Variants in GOLGB1 observed in about 807,000 individuals in gnomAD.
GOLGB1 encodes golgin B1.
Under a neutral mutation model 336.9 loss-of-function variants are expected in GOLGB1, and 174 were observed. That is an observed-to-expected ratio of 0.52 (90% CI 0.46 to 0.59). The LOEUF (loss-of-function observed/expected upper bound fraction) is 0.59. GOLGB1 is among the 20% of genes least tolerant of loss of function. The pLI is 0.00. For synonymous variants in GOLGB1, 1,208 were observed against 1,289.2 expected (o/e 0.94, Z 1.35); for missense variants, 3,331 against 3,645.3 (o/e 0.91, Z 2.22).
chr3:121,673,784 G>A (rs1031693017), intron 17 of GOLGB1, among the ~76,000 whole-genome samples: 4 of 151,982 alleles, frequency 2.6e-5, no homozygotes, highest in South Asian at 2.1e-4. Context: ...GCAGGGGTGC[G>A]ATCTCAGCTC....
chr3:121,730,168 A>T, intron 2 of GOLGB1, 151 bp from the exon 3 acceptor site: 1 of 576,084 alleles, frequency 1.7e-6, no homozygotes, highest in South Asian at 2.4e-5. Flanking sequence ...TCATTATCAT[A>T]GCCATTACAA....
intron 10 of GOLGB1, among the ~76,000 whole-genome samples, chr3:121,706,408 AAG>A (rs145051900): frequency 1.3e-5 from 2 of 151,876 alleles, no homozygotes; most frequent in African/African-American, 2.4e-5. Flanking sequence ...AGCAGGAAAA[AAG>A]AGAGAAGCAT....
At chr3:121,734,392 G>GAAAAAAAAAAAAAAA (rs34906801) in intron 1 of GOLGB1, among the ~76,000 whole-genome samples, 1 of 107,230 alleles carries the variant, frequency 9.3e-6, no homozygotes. Context: ...TCTGTCTCGG[G>GAAAAAAAAAAAAAAA]AAAAAAAAAA....
rs1448480344 is a variant in GOLGB1, at chr3:121,718,430, G to A, written c.843C>T (p.Asp281=). ...CAGCAGTCAGCTCCTGTTGCAGCAA[G>A]TCAACGACCTGAGCACGGCCCACCA... ...ESLVGRAQVV[D]LLQQELTAAE... The change falls in exon 8 of 22, where the codon GAC becomes GAT. Residue 281 remains aspartate, a synonymous_variant. Coordinates refer to ENST00000614479, the MANE Select transcript of GOLGB1 (RefSeq NM_001366282.2). The A allele has an allele frequency of 1.5e-5, 24 of 1,613,736 alleles. No homozygotes were observed. The highest frequency in any genetic ancestry group is 1.9e-5 in the Non-Finnish European group (23 of 1,179,750).
intron 17 of GOLGB1, among the ~76,000 whole-genome samples, chr3:121,676,358 G>A (rs1940375212): frequency 6.6e-6 from 1 of 152,150 alleles, no homozygotes; most frequent in Admixed American, 6.5e-5. Flanking sequence ...GTGATGAAAA[G>A]CTTACGCACA....
At chr3:121,667,631 A>C in intron 19 of GOLGB1, 21 bp from the exon 20 acceptor site, 2 of 1,611,022 alleles carry the variant, frequency 1.2e-6, no homozygotes, top group Non-Finnish European at 1.7e-6. Flanking sequence ...AGAGGAAAAC[A>C]AAAAGCATCA....
chr3:121,719,912 G>A, intron 6 of GOLGB1, 144 bp from the exon 7 acceptor site: 1 of 616,202 alleles, frequency 1.6e-6, no homozygotes, highest in Non-Finnish European at 2.5e-6. Flanking sequence ...GGATGAGGAT[G>A]TTGGAAGAGA....
At chr3:121,710,442 T>C (rs540017752) in intron 10 of GOLGB1, among the ~76,000 whole-genome samples, 2 of 152,128 alleles carry the variant, frequency 1.3e-5, no homozygotes, top group African/African-American at 2.4e-5. Flanking sequence ...TCACAAAATA[T>C]TAGCAAATCA....
intron 14 of GOLGB1, among the ~76,000 whole-genome samples, chr3:121,682,381 G>A (rs1941179282): frequency 6.6e-6 from 1 of 152,142 alleles, no homozygotes; most frequent in Non-Finnish European, 1.5e-5. Flanking sequence ...TTGGACGTGT[G>A]ACCCAATGCA....
At chr3:121,686,333 T>A (rs1040772191) in intron 14 of GOLGB1, among the ~76,000 whole-genome samples, 4 of 152,172 alleles carry the variant, frequency 2.6e-5, no homozygotes, top group African/African-American at 9.6e-5. Flanking sequence ...AAACTATGGA[T>A]CCCTCTTTCT....
At position 121,729,271 on chromosome 3, in the gene GOLGB1, A is replaced by G; in HGVS notation, c.319T>C (p.Leu107=). ...TTCATTTCTTCTATGTATTTATTCA[A>G]AGAAGTTAATTTGGCCTTCGCATGA... is the stretch of plus-strand genomic sequence containing the variant. ...KLHAKAKLTS[L]NKYIEEMKAQ... is the part of the protein sequence containing the mutation. Residue 107 remains leucine (L), a synonymous_variant, in exon 4 of 22, where the codon TTG becomes CTG. Transcript: ENST00000614479. 1 of 1,611,264 alleles carries G rather than the reference A, an allele frequency of 6.2e-7. No homozygotes were observed. The highest frequency in any genetic ancestry group is 1.1e-5 in the South Asian group (1 of 90,984).
At position 121,702,490 on chromosome 3, in the gene GOLGB1, C is replaced by A; in HGVS notation, c.1510G>T (p.Ala504Ser). Reference protein sequence around the residue: ...LSSIELEELKAENEKLSSQIT... With the variant: ...LSSIELEELKSENEKLSSQIT... ...TTTCTTTTATACATACCATTCTCAG[C>A]TTTCAGCTCCTCCAGCTCTATAGAA... The change falls in exon 11 of 22, where the codon GCT (alanine) becomes TCT (serine). Residue 504 changes from alanine to serine, a missense_variant. Physicochemically the swap from Ala to Ser is moderately conservative, Grantham distance 99. Coordinates refer to ENST00000614479, the MANE Select transcript of GOLGB1 (RefSeq NM_001366282.2). 6.8e-7 allele frequency: 1 copy of A among 1,460,272 alleles called. No homozygotes were observed. Among genetic ancestry groups the A allele is most frequent in the Non-Finnish European group, 9.1e-7 (1 of 1,095,082 alleles). 90.5% of individuals were successfully genotyped at this position (1,460,272 alleles called of 1,614,324 possible). A position where few individuals can be genotyped will look rare whatever the true frequency, so the allele number is the denominator to read the frequency against.
At chr3:121,739,830 T>C (rs976942469) in intron 1 of GOLGB1, among the ~76,000 whole-genome samples, 1 of 152,120 alleles carries the variant, frequency 6.6e-6, no homozygotes, top group African/African-American at 2.4e-5. Context: ...TACAGGCAAA[T>C]GGTTAAACAA....
rs766287627 is a variant in GOLGB1, at chr3:121,696,677, T to A, written c.3846A>T (p.Gln1282His). ...GGCACAAGTTGGACTCTAAAACAGG[T>A]TGAGTGTGATGCTGTTCTGTGGCTT... ...LFKATEQHHT[Q>H]PVLESNLCPD... is the part of the protein sequence containing the mutation. The change falls in exon 13 of 22, where the codon CAA (glutamine) becomes CAT (histidine). Residue 1282 changes from glutamine (Q) to histidine (H), a missense_variant. Coordinates refer to ENST00000614479, the MANE Select transcript of GOLGB1 (RefSeq NM_001366282.2). The A allele has an allele frequency of 5.0e-6, 8 of 1,613,902 alleles. No homozygotes were observed. In the African/African-American group the frequency reaches 1.1e-4, roughly 22 times the overall value.
In GOLGB1 at chr3:121,714,897, C is replaced by G; in HGVS notation, c.1368G>C (p.Gln456His). The change falls in exon 10 of 22, where the codon CAG becomes CAC. Residue 456 changes from glutamine to histidine, a missense_variant. Physicochemically the swap from Gln to His is conservative, Grantham distance 24. Transcript: ENST00000614479. ...CATTATAAACATCTGGGAAAGAAGTCTGAGATGCTGTTTCATGTTGTTGCA... is the reference window on the plus strand; with the variant it reads ...CATTATAAACATCTGGGAAAGAAGTGTGAGATGCTGTTTCATGTTGTTGCA... ...LPLQQHETASQTSFPDVYNEG... is the reference protein window; with the variant it reads ...LPLQQHETASHTSFPDVYNEG... 1.9e-6 allele frequency: 3 copies of G among 1,612,182 alleles called. No individual in the cohort carries two copies. Among genetic ancestry groups the G allele is most frequent in the Admixed American group, 3.3e-5 (2 of 60,008 alleles).
Position 121,696,741 on chromosome 3 carries a change from G to A in GOLGB1, c.3782C>T (p.Ser1261Leu), listed in dbSNP as rs749735678. 3.7e-6 allele frequency: 6 copies of A among 1,614,102 alleles called. 1 individual carries two copies. The highest frequency in any genetic ancestry group is 2.2e-5 in the South Asian group (2 of 91,076). ...GKLPSTDQQE[S>L]CSSTPGLEEP... Reference sequence around the variant, plus strand: ...TTCTAAACCTGGAGTGGAAGAACACGATTCCTGCTGGTCTGTGCTTGGGAG... The same window carrying A: ...TTCTAAACCTGGAGTGGAAGAACACAATTCCTGCTGGTCTGTGCTTGGGAG... Residue 1261 changes from serine to leucine, a missense_variant, in exon 13 of 22, where the codon TCG becomes TTG. Coordinates refer to ENST00000614479, the MANE Select transcript of GOLGB1 (RefSeq NM_001366282.2).
Position 121,716,951 on chromosome 3 carries a change from G to C in GOLGB1, c.1074C>G (p.Gly358=). The change falls in exon 9 of 22, where the codon GGC becomes GGG. Residue 358 remains glycine, a synonymous_variant. Transcript: ENST00000614479. ...GAGACTCTAGTTCAGCCTGGGCTTG[G>C]CCTGCTTGCTCAAACTGTTCTAAAA... is the stretch of plus-strand genomic sequence containing the variant. The part of the protein sequence containing the change: ...HHLLEQFEQA[G]QAQAELESRY... 6.2e-7 allele frequency: 1 copy of C among 1,613,818 alleles called. No homozygotes were observed. Among genetic ancestry groups the C allele is most frequent in the African/African-American group, 1.3e-5 (1 of 74,996 alleles).
intron 1 of GOLGB1, among the ~76,000 whole-genome samples, chr3:121,737,108 ACTGT>A (rs1946526410): frequency 6.6e-6 from 1 of 152,284 alleles, no homozygotes; most frequent in East Asian, 1.9e-4. Flanking sequence ...GTATACAATA[ACTGT>A]CTGTCTAATC....
intron 1 of GOLGB1, among the ~76,000 whole-genome samples, chr3:121,748,285 TA>T (rs767773844): frequency 1.3e-5 from 2 of 152,224 alleles, no homozygotes; most frequent in Non-Finnish European, 2.9e-5. Context: ...TACTTTTGCA[TA>T]TTTCATATTA....
Sources: allele counts gnomAD v4.1 joint callset (sites outside exome capture counted in the v4.1 genomes callset), GRCh38; gene constraint gnomAD v4.1.1; transcripts MANE v1.5; gene names NCBI Gene and HGNC (gene_info 2026-07-23, HGNC 2026-07-21).